Variants in PTH2R observed in about 807,000 individuals in gnomAD.
The protein encoded by PTH2R is parathyroid hormone 2 receptor.
Under a neutral mutation model 60.3 loss-of-function variants are expected in PTH2R, and 59 were observed. The ratio of observed to expected loss-of-function variants is 0.98; its 90% confidence interval spans 0.79 to 1.22. PTH2R has a LOEUF of 1.22. Ranked by LOEUF, PTH2R falls within the 50% of genes most tolerant of loss-of-function variation. PTH2R has a pLI of 0.00. For synonymous variants in PTH2R, 256 were observed against 243.8 expected (o/e 1.05, Z -0.47); for missense variants, 749 against 682.6 (o/e 1.10, Z -1.08).
At chr2:208,419,932 A>G (rs1701719478) in intron 1 of PTH2R, among the ~76,000 whole-genome samples, 1 of 152,230 alleles carries the variant, frequency 6.6e-6, no homozygotes, top group African/African-American at 2.4e-5. Context: ...TGGCACATAT[A>G]CACTGTGGAA....
At chr2:208,453,663 A>G (rs1702453204) in intron 8 of PTH2R, among the ~76,000 whole-genome samples, 1 of 152,144 alleles carries the variant, frequency 6.6e-6, no homozygotes, top group Non-Finnish European at 1.5e-5. Flanking sequence ...GCAATGATAA[A>G]GTTTGAGTTA....
chr2:208,375,119 G>GT (rs1472507452), intron 1 of PTH2R, among the ~76,000 whole-genome samples: 1 of 152,072 alleles, frequency 6.6e-6, no homozygotes, highest in Non-Finnish European at 1.5e-5. Flanking sequence ...GATGAGATTT[G>GT]TTTTTACTTT....
At position 208,389,916 on chromosome 2, in the gene PTH2R, C is replaced by T. The variant is rs148968414; in HGVS notation, c.-259+29679C>T. The stretch of plus-strand genomic sequence containing the variant: ...ATGTTTGTTGGAAAGTAAGCTGCTA[C>T]TATTAGCAAACGTTATAGAAGGGTC... On this transcript the variant is annotated intron_variant, in intron 1 of 12. Transcript: ENST00000617735. Among the ~76,000 whole-genome samples, 336 of 152,164 alleles carry T rather than the reference C, an allele frequency of 2.2e-3. 1 individual carries two copies. The highest frequency in any genetic ancestry group is 4.1e-3 in the Non-Finnish European group (276 of 68,002).
chr2:208,443,537 T>A lies in PTH2R; in HGVS notation c.699T>A (p.Tyr233Ter), dbSNP rs781277162. Residue 233 changes from tyrosine to a stop codon, truncating the protein, a stop_gained and splice_region_variant, in exon 6 of 13, where the codon TAT (tyrosine) becomes TAA (stop). Coordinates refer to ENST00000272847, the MANE Select transcript of PTH2R (RefSeq NM_005048.4). LOFTEE classifies it high-confidence loss of function. ...IEATSVDKSQ[Y>*]IGCKIAVVMF... ...CAACTTCTGTGGACAAATCACAATATGTAAGTGTTTTCACCATTTTCTCTC... is the reference window on the plus strand; with the variant it reads ...CAACTTCTGTGGACAAATCACAATAAGTAAGTGTTTTCACCATTTTCTCTC... 17 of 1,592,490 alleles carry A rather than the reference T, an allele frequency of 1.1e-5. No individual in the cohort carries two copies.
At chr2:208,416,575 G>A (rs185964043) in intron 1 of PTH2R, among the ~76,000 whole-genome samples, 17 of 152,244 alleles carry the variant, frequency 1.1e-4, no homozygotes, top group East Asian at 1.9e-4. Context: ...GCTATCTGCC[G>A]TTCTGTATGT....
intron 1 of PTH2R, among the ~76,000 whole-genome samples, chr2:208,373,213 C>T (rs981595473): frequency 1.3e-5 from 2 of 152,040 alleles, no homozygotes; most frequent in Non-Finnish European, 2.9e-5. Flanking sequence ...ACAGATAAGC[C>T]ATAAAGTGAG....
At chr2:208,377,711 G>A (rs1283602976) in intron 1 of PTH2R, among the ~76,000 whole-genome samples, 38 of 151,712 alleles carry the variant, frequency 2.5e-4, no homozygotes, top group Admixed American at 2.3e-3. Context: ...TGGCCGGGCA[G>A]AGACGCTCCT....
intron 8 of PTH2R, among the ~76,000 whole-genome samples, chr2:208,457,692 TG>T (rs987001763): frequency 5.3e-5 from 8 of 152,248 alleles, no homozygotes; most frequent in Middle Eastern, 3.4e-3. Context: ...AGGAGAGGGA[TG>T]GGGGCAGAGG....
intron 1 of PTH2R, among the ~76,000 whole-genome samples, chr2:208,384,173 A>C (rs1052607192): frequency 6.6e-6 from 1 of 152,236 alleles, no homozygotes; most frequent in Non-Finnish European, 1.5e-5. Context: ...AAGTGAGTTC[A>C]GTGTAGGCTG....
chr2:208,365,466 G>T (rs1210246823), intron 1 of PTH2R, among the ~76,000 whole-genome samples: 3 of 151,884 alleles, frequency 2.0e-5, no homozygotes, highest in Non-Finnish European at 4.4e-5. Flanking sequence ...CCTTTATTCT[G>T]TAAATGTGGT....
chr2:208,422,759 C>A (rs1281702423), intron 1 of PTH2R, among the ~76,000 whole-genome samples: 1 of 152,064 alleles, frequency 6.6e-6, no homozygotes, highest in Non-Finnish European at 1.5e-5. Flanking sequence ...CAGTTCCCCC[C>A]TTATCACTTG....
rs543955599 is a variant in PTH2R, at chr2:208,436,700, A to C, written c.179-837A>C. ...ACATACCTCAGGGAACACAGAGTGC[A>C]CTGGGCTAATGTCTGGAGACATCCT... On this transcript the variant is annotated intron_variant, in intron 2 of 12. Coordinates refer to ENST00000272847, the MANE Select transcript of PTH2R (RefSeq NM_005048.4). Among the ~76,000 whole-genome samples, 13 of 152,258 alleles carry C rather than the reference A, an allele frequency of 8.5e-5. No individual in the cohort carries two copies. In the South Asian group the frequency reaches 2.7e-3, roughly 32 times the overall value.
intron 10 of PTH2R, among the ~76,000 whole-genome samples, chr2:208,482,776 G>A (rs1703183360): frequency 6.6e-6 from 1 of 152,132 alleles, no homozygotes; most frequent in Non-Finnish European, 1.5e-5. Context: ...GGCGTTTATA[G>A]CCCTATCTTA....
chr2:208,454,683 T>G (rs1262007272), intron 8 of PTH2R, among the ~76,000 whole-genome samples: 1 of 152,250 alleles, frequency 6.6e-6, no homozygotes, highest in Non-Finnish European at 1.5e-5. Context: ...GAAAAGGTAA[T>G]TTAAAGAGAG....
At chr2:208,419,081 C>T (rs1701699308) in intron 1 of PTH2R, among the ~76,000 whole-genome samples, 2 of 152,150 alleles carry the variant, frequency 1.3e-5, no homozygotes, top group Admixed American at 1.3e-4. Flanking sequence ...TTCTAGATTC[C>T]TGAGCAATCG....
intron 8 of PTH2R, among the ~76,000 whole-genome samples, chr2:208,451,042 G>T (rs563188448): frequency 5.9e-5 from 9 of 152,196 alleles, no homozygotes; most frequent in African/African-American, 2.2e-4. Context: ...GACCTCCATA[G>T]ATTAAGAAAC....
intron 9 of PTH2R, among the ~76,000 whole-genome samples, chr2:208,460,590 A>C (rs1345991331): frequency 6.6e-6 from 1 of 152,178 alleles, no homozygotes; most frequent in Non-Finnish European, 1.5e-5. Context: ...TCTGCCTATA[A>C]TATTTCCAAT....
Position 208,478,779 on chromosome 2 carries a change from C to T in PTH2R, c.982-2291C>T, listed in dbSNP as rs572028655. 2.6e-5 allele frequency among the ~76,000 whole-genome samples: 4 copies of T among 152,062 alleles called. No homozygotes were observed. The East Asian group carries it at 5.8e-4, about 22-fold the overall frequency. On this transcript the variant is annotated intron_variant, in intron 9 of 12. Coordinates refer to ENST00000272847, the MANE Select transcript of PTH2R (RefSeq NM_005048.4). Reference sequence around the variant, plus strand: ...AAGGGTGTACAGTGTGGATCCAGGCCGCATGGGCTGCATTAAGGCCCTGCC... The same window carrying T: ...AAGGGTGTACAGTGTGGATCCAGGCTGCATGGGCTGCATTAAGGCCCTGCC...
At chr2:208,458,278 C>T (rs1170113339) in intron 8 of PTH2R, among the ~76,000 whole-genome samples, 2 of 151,992 alleles carry the variant, frequency 1.3e-5, no homozygotes, top group African/African-American at 2.4e-5. Flanking sequence ...GTGATCTCTG[C>T]CCATGTAGAA....
Sources: allele counts gnomAD v4.1 joint callset (sites outside exome capture counted in the v4.1 genomes callset), GRCh38; gene constraint gnomAD v4.1.1; transcripts MANE v1.5; gene names NCBI Gene and HGNC (gene_info 2026-07-23, HGNC 2026-07-21).